Variants in CTNND2 observed in about 807,000 individuals in gnomAD.
CTNND2 encodes the protein catenin delta-2.
In CTNND2, 22 loss-of-function variants were observed where a neutral mutation model predicts 144.4. That is an observed-to-expected ratio of 0.15 (90% CI 0.11 to 0.22). The LOEUF is 0.22. Among genes scored for constraint, CTNND2 ranks in the 10% least tolerant of loss-of-function variants. The pLI is 1.00. For missense variants in CTNND2, 1,353 were observed against 1,618.8 expected, an observed-to-expected ratio of 0.84 and a Z score of 2.82; for synonymous variants, 751 against 695.6, an observed-to-expected ratio of 1.08 and a Z score of -1.25.
intron 7 of CTNND2, among the ~76,000 whole-genome samples, chr5:11,373,465 T>C (rs1217787706): frequency 6.6e-6 from 1 of 152,172 alleles, no homozygotes; most frequent in Admixed American, 6.5e-5. Flanking sequence ...GGCAAGTATC[T>C]AGGTTCCCTG....
chr5:11,552,333 C>T (rs1775833687), intron 3 of CTNND2, among the ~76,000 whole-genome samples: 1 of 152,176 alleles, frequency 6.6e-6, no homozygotes, highest in Non-Finnish European at 1.5e-5. Flanking sequence ...TTACAATATA[C>T]TTATAAATTT....
At chr5:11,655,080 T>G (rs2561627) in intron 2 of CTNND2, among the ~76,000 whole-genome samples, 1 of 151,840 alleles carries the variant, frequency 6.6e-6, no homozygotes, top group Non-Finnish European at 1.5e-5. Flanking sequence ...TCAGTTATAC[T>G]GGGTTAAATA....
chr5:11,673,566 G>C (rs1163690509), intron 2 of CTNND2, among the ~76,000 whole-genome samples: 1 of 152,120 alleles, frequency 6.6e-6, no homozygotes, highest in Non-Finnish European at 1.5e-5. Context: ...TGGAAATTCA[G>C]TCTAATCTTT....
chr5:11,218,842 T>C (rs1450089338), intron 10 of CTNND2, among the ~76,000 whole-genome samples: 4 of 152,138 alleles, frequency 2.6e-5, no homozygotes, highest in Non-Finnish European at 5.9e-5. Flanking sequence ...AGAAAATCCA[T>C]CTTGTTTTCG....
chr5:11,384,459 C>A lies in CTNND2; in HGVS notation c.1177+206G>T. On this transcript the variant is annotated intron_variant, in intron 7 of 21. Coordinates refer to ENST00000304623, the MANE Select transcript of CTNND2 (RefSeq NM_001332.4). The surrounding 1 kb of genome is among the most constrained non-coding windows in gnomAD (Gnocchi z 5.2). ...ATATAGGTGTTAGAGATTGAGACAC[C>A]ACATTACTCCGGAAAAGAAGTCACT... is the stretch of plus-strand genomic sequence containing the variant. 1.7e-6 allele frequency: 1 copy of A among 587,592 alleles called. No homozygotes were observed. Among genetic ancestry groups the A allele is most frequent in the Non-Finnish European group, 3.0e-6 (1 of 331,512 alleles). The allele number at this position is 587,592 out of a possible 1,614,324, so 36.4% of individuals were successfully genotyped here.
chr5:11,050,205 T>A (rs1410716069), intron 16 of CTNND2, among the ~76,000 whole-genome samples: 1 of 152,144 alleles, frequency 6.6e-6, no homozygotes, highest in Admixed American at 6.6e-5. Flanking sequence ...GGTCTATTGG[T>A]CCCTAGGCCT....
intron 16 of CTNND2, among the ~76,000 whole-genome samples, chr5:11,077,021 C>T (rs1435873294): frequency 6.6e-6 from 1 of 151,946 alleles, no homozygotes; most frequent in African/African-American, 2.4e-5. Flanking sequence ...AATAGAAAAC[C>T]CCCCTTTTTT....
chr5:11,322,653 G>T (rs1162219329), intron 9 of CTNND2, among the ~76,000 whole-genome samples: 1 of 152,038 alleles, frequency 6.6e-6, no homozygotes, highest in Non-Finnish European at 1.5e-5. Flanking sequence ...CATTTTGACA[G>T]CTATAGGATA....
At chr5:11,749,698 A>T (rs956013516) in intron 1 of CTNND2, among the ~76,000 whole-genome samples, 20 of 152,054 alleles carry the variant, frequency 1.3e-4, no homozygotes, top group Admixed American at 1.3e-4. Context: ...AAAGCATTTC[A>T]TAATTATTGC....
rs557782521 is a variant in CTNND2, at chr5:11,561,813, A to C, written c.287+3131T>G. Among the ~76,000 whole-genome samples, 3 of 152,278 alleles carry C rather than the reference A, an allele frequency of 2.0e-5. No individual in the cohort carries two copies. In the South Asian group the frequency reaches 6.2e-4, roughly 32 times the overall value. On this transcript the variant is annotated intron_variant, in intron 3 of 21. Transcript: ENST00000304623. Reference sequence around the variant, plus strand: ...TCCCAGCACTTTGTGGGGTCAAGGCAGGCAGATCACTTGAGGTCAGGAGTT... The same window carrying C: ...TCCCAGCACTTTGTGGGGTCAAGGCCGGCAGATCACTTGAGGTCAGGAGTT...
At chr5:11,777,642 G>C (rs1186596301) in intron 1 of CTNND2, among the ~76,000 whole-genome samples, 2 of 152,268 alleles carry the variant, frequency 1.3e-5, no homozygotes, top group South Asian at 2.1e-4. Context: ...ATTGGGGACT[G>C]TGCCTAAAGC....
rs772092439 is a variant in CTNND2 at position 11,199,486 on chromosome 5, C to T, written c.1937G>A (p.Arg646His). 5.1e-5 allele frequency: 83 copies of T among 1,614,060 alleles called. No individual in the cohort carries two copies. Among genetic ancestry groups the T allele is most frequent in the Non-Finnish European group, 6.2e-5 (73 of 1,180,038 alleles). Residue 646 changes from arginine to histidine, a missense_variant, in exon 11 of 22, where the codon CGC (arginine) becomes CAC (histidine). By Grantham distance (29) the Arg-to-His change is conservative. Coordinates refer to ENST00000304623, the MANE Select transcript of CTNND2 (RefSeq NM_001332.4). ...GGIPALVRLL[R>H]KTTDLEIREL... ...CCGGATCTCCAGGTCAGTCGTCTTGCGGAGTAACCTCACCAGTGCTGGGAT... is the reference window on the plus strand; with the variant it reads ...CCGGATCTCCAGGTCAGTCGTCTTGTGGAGTAACCTCACCAGTGCTGGGAT...
chr5:11,152,870 C>T (rs1270438367), intron 12 of CTNND2, among the ~76,000 whole-genome samples: 1 of 152,176 alleles, frequency 6.6e-6, no homozygotes, highest in African/African-American at 2.4e-5. Flanking sequence ...TGCTCTAGGA[C>T]CAGGTGTGGG....
At chr5:11,089,242 A>G (rs745348210) in intron 15 of CTNND2, among the ~76,000 whole-genome samples, 1 of 150,590 alleles carries the variant, frequency 6.6e-6, no homozygotes, top group Non-Finnish European at 1.5e-5. Flanking sequence ...TCTTTGTTAT[A>G]GCAGTTAGCA....
chr5:11,286,339 C>T (rs551808116), intron 9 of CTNND2, among the ~76,000 whole-genome samples: 1 of 152,268 alleles, frequency 6.6e-6, no homozygotes, highest in East Asian at 1.9e-4. Flanking sequence ...ATGGTTTTCA[C>T]TTATGAACAA....
At chr5:11,382,518 A>C (rs1269317496) in intron 7 of CTNND2, among the ~76,000 whole-genome samples, 1 of 151,774 alleles carries the variant, frequency 6.6e-6, no homozygotes, top group Non-Finnish European at 1.5e-5. Context: ...GAATCACTTG[A>C]ATCCAGGAGA....
chr5:11,416,511 C>A (rs1193289587), intron 3 of CTNND2, among the ~76,000 whole-genome samples: 4 of 152,150 alleles, frequency 2.6e-5, no homozygotes, highest in Non-Finnish European at 4.4e-5. Flanking sequence ...TAAGTGCACA[C>A]TTTAATCTCT....
intron 1 of CTNND2, among the ~76,000 whole-genome samples, chr5:11,765,953 G>C (rs533724287): frequency 6.6e-6 from 1 of 152,244 alleles, no homozygotes; most frequent in Admixed American, 6.5e-5. Flanking sequence ...AGTCAGTATA[G>C]AGATAGAAAG....
At chr5:11,874,157 T>A (rs1735373279) in intron 1 of CTNND2, among the ~76,000 whole-genome samples, 1 of 152,210 alleles carries the variant, frequency 6.6e-6, no homozygotes, top group South Asian at 2.1e-4. Flanking sequence ...AATAGCAACT[T>A]TTAATGATAA....
Sources: gnomAD v4.1 joint callset for allele counts (sites outside exome capture counted in the v4.1 genomes callset) on GRCh38, gnomAD v4.1.1 for gene constraint, Gnocchi (gnomAD v3.1) non-coding constraint, MANE v1.5 for transcripts, NCBI Gene and HGNC (gene_info 2026-07-23, HGNC 2026-07-21) for gene names.